Variants in NAALADL2 observed in about 807,000 individuals in gnomAD.
The protein encoded by NAALADL2 is N-acetylated alpha-linked acidic dipeptidase like 2, also known as inactive N-acetylated-alpha-linked acidic dipeptidase-like protein 2.
Under a neutral mutation model 87.2 loss-of-function variants are expected in NAALADL2, and 76 were observed. That is an observed-to-expected ratio of 0.87 (90% confidence interval 0.72 to 1.05). The LOEUF (loss-of-function observed/expected upper bound fraction) is 1.05, where lower values mean the gene tolerates loss of function less well. Among genes scored for constraint, NAALADL2 ranks in the 50% least tolerant of loss-of-function variants. The pLI is 0.00. For synonymous variants in NAALADL2, 354 were observed against 331.0 expected, an observed-to-expected ratio of 1.07 and a Z score of -0.75; for missense variants, 1,089 against 945.8, an observed-to-expected ratio of 1.15 and a Z score of -1.99.
At chr3:175,374,704 C>T (rs998763378) in intron 5 of NAALADL2, among the ~76,000 whole-genome samples, 4 of 151,190 alleles carry the variant, frequency 2.6e-5, no homozygotes, top group Non-Finnish European at 5.9e-5. Context: ...GAAAACTCAT[C>T]TCTGCAGAAA....
chr3:175,775,109 T>TA (rs397874628), intron 13 of NAALADL2: 1 of 151,136 alleles, frequency 6.6e-6, no homozygotes, highest in East Asian at 1.9e-4. Context: ...TTTTTTTTTT[T>TA]AGAAATTCTC....
At chr3:175,595,886 A>T (rs1010193025) in intron 10 of NAALADL2, among the ~76,000 whole-genome samples, 5 of 151,970 alleles carry the variant, frequency 3.3e-5, no homozygotes, top group Non-Finnish European at 5.9e-5. Flanking sequence ...ATTAGAAAAA[A>T]CTATGCTAAA....
intron 13 of NAALADL2, among the ~76,000 whole-genome samples, chr3:175,761,058 T>C (rs1250776639): frequency 2.0e-5 from 3 of 152,192 alleles, no homozygotes; most frequent in Non-Finnish European, 4.4e-5. Flanking sequence ...TGAGCCAATA[T>C]TGATACAAAC....
At chr3:175,265,178 C>A (rs541642678) in intron 4 of NAALADL2, among the ~76,000 whole-genome samples, 82 of 151,692 alleles carry the variant, frequency 5.4e-4, no homozygotes, top group African/African-American at 1.9e-3. Context: ...AATGGTAGAA[C>A]CCCTGCTCTG....
rs191402835 is a variant in NAALADL2, at chr3:174,828,164, C to T, written c.-9+90418C>T. Among the ~76,000 whole-genome samples the T allele has an allele frequency of 5.3e-3, 797 of 151,646 alleles. 5 individuals carry two copies. Among genetic ancestry groups the T allele is most frequent in the African/African-American group, 0.018 (763 of 41,352 alleles). On this transcript the variant is annotated intron_variant, in intron 3 of 3. Coordinates refer to the NAALADL2 transcript ENST00000434257. ...AGAAAGACCTTGTCTCTGAAACCAA[C>T]CACACACAACACAACACAACACAAC...
intron 2 of NAALADL2, among the ~76,000 whole-genome samples, chr3:174,664,565 T>G (rs1725794206): frequency 6.6e-6 from 1 of 152,204 alleles, no homozygotes; most frequent in Non-Finnish European, 1.5e-5. Flanking sequence ...ATAGAGTGCT[T>G]TCTTGCTGGC....
chr3:174,677,821 C>T (rs1352249618), intron 2 of NAALADL2, among the ~76,000 whole-genome samples: 1 of 151,550 alleles, frequency 6.6e-6, no homozygotes, highest in Non-Finnish European at 1.5e-5. Context: ...TCTAGAAATA[C>T]TAGACAGCAC....
At chr3:175,497,658 TTTA>T (rs199907494) in intron 9 of NAALADL2, among the ~76,000 whole-genome samples, 1 of 151,386 alleles carries the variant, frequency 6.6e-6, no homozygotes, top group African/African-American at 2.5e-5. Context: ...TGTTCTTTTT[TTTA>T]TTTTTTTCCT....
At chr3:174,835,128 A>G (rs927847580) in intron 3 of NAALADL2, among the ~76,000 whole-genome samples, 2 of 152,084 alleles carry the variant, frequency 1.3e-5, no homozygotes, top group Non-Finnish European at 2.9e-5. Context: ...AAGCGCAGAA[A>G]TAAATGTACA....
chr3:175,040,783 A>G (rs1264452821), intron 1 of NAALADL2, among the ~76,000 whole-genome samples: 1 of 152,192 alleles, frequency 6.6e-6, no homozygotes, highest in Non-Finnish European at 1.5e-5. Context: ...TAACAAATTC[A>G]GTCTCTGTGA....
chr3:174,471,483 G>C (rs1225954674), intron 1 of NAALADL2, among the ~76,000 whole-genome samples: 6 of 152,136 alleles, frequency 3.9e-5, no homozygotes, highest in Non-Finnish European at 7.4e-5. Context: ...TTGGGCAACT[G>C]TTTAGTCTGT....
intron 1 of NAALADL2, among the ~76,000 whole-genome samples, chr3:175,006,064 T>C (rs1748980602): frequency 6.6e-6 from 1 of 152,222 alleles, no homozygotes; most frequent in South Asian, 2.1e-4. Flanking sequence ...TGCTTCAAGC[T>C]TGCCAGGTTC....
rs116822279 is a variant in NAALADL2 at position 175,641,524 on chromosome 3, G to A, written c.1896+14138G>A. Among the ~76,000 whole-genome samples the A allele has an allele frequency of 3.6e-3, 545 of 152,234 alleles. 1 individual carries two copies. Among genetic ancestry groups the A allele is most frequent in the African/African-American group, 0.012 (512 of 41,536 alleles). ...TATTTGCTGAACAAATCACTAAAGA[G>A]CAATTTAAAGCATAGCATGGGAATA... On this transcript the variant is annotated intron_variant, in intron 11 of 13. Coordinates refer to ENST00000454872, the MANE Select transcript of NAALADL2 (RefSeq NM_207015.3).
At chr3:174,867,121 A>C (rs1478412827) in intron 1 of NAALADL2, among the ~76,000 whole-genome samples, 1 of 151,218 alleles carries the variant, frequency 6.6e-6, no homozygotes, top group Non-Finnish European at 1.5e-5. Context: ...AACTAAATTG[A>C]TTAGATAATA....
At chr3:175,236,583 G>C (rs1348545538) in intron 3 of NAALADL2, among the ~76,000 whole-genome samples, 1 of 151,328 alleles carries the variant, frequency 6.6e-6, no homozygotes, top group East Asian at 1.9e-4. Context: ...AAAAGCGGGG[G>C]TGGGTATATT....
At chr3:174,900,069 TAAAG>T (rs566613728) in intron 1 of NAALADL2, among the ~76,000 whole-genome samples, 24 of 152,132 alleles carry the variant, frequency 1.6e-4, no homozygotes, top group Middle Eastern at 6.8e-3. Flanking sequence ...ACACAAATAT[TAAAG>T]AAAGAACTAA....
chr3:175,237,643 A>AT (rs563465180), intron 3 of NAALADL2, among the ~76,000 whole-genome samples: 4 of 151,636 alleles, frequency 2.6e-5, no homozygotes, highest in Admixed American at 2.0e-4. Flanking sequence ...CCTCTTCTTT[A>AT]TTTTTTTTCT....
At chr3:175,081,059 A>G (rs1717707517) in intron 1 of NAALADL2, 1 of 152,176 alleles carries the variant, frequency 6.6e-6, no homozygotes, top group Admixed American at 6.5e-5. Context: ...TAAATGGGAC[A>G]CTGACCATCA....
chr3:174,454,753 T>A (rs934857526), intron 1 of NAALADL2, among the ~76,000 whole-genome samples: 28 of 152,218 alleles, frequency 1.8e-4, no homozygotes, highest in African/African-American at 6.0e-4. Flanking sequence ...GGGAAATGTA[T>A]AATATTAAAC....
Sources: allele counts gnomAD v4.1 joint callset (sites outside exome capture counted in the v4.1 genomes callset), GRCh38; gene constraint gnomAD v4.1.1; transcripts MANE v1.5; gene names NCBI Gene and HGNC (gene_info 2026-07-23, HGNC 2026-07-21).